The following PIAS4 variants were observed in gnomAD, a reference collection of about 807,000 sequenced individuals.
PIAS4 encodes the protein protein inhibitor of activated STAT 4.
Under a neutral mutation model 58.0 loss-of-function variants are expected in PIAS4, and 7 were observed. The ratio of observed to expected loss-of-function variants is 0.12; its 90% CI spans 0.07 to 0.23. PIAS4 has a LOEUF of 0.23. PIAS4 is among the 10% of genes least tolerant of loss of function. The pLI, the probability that PIAS4 is intolerant of heterozygous loss-of-function variation, is 1.00. For synonymous variants in PIAS4, 364 were observed against 312.4 expected (o/e 1.17, Z -1.74); for missense variants, 550 against 709.5 (o/e 0.78, Z 2.55).
intron 1 of PIAS4, 119 bp from the exon 2 acceptor site, chr19:4,012,804 G>T: frequency 1.7e-6 from 2 of 1,151,580 alleles, no homozygotes; most frequent in South Asian, 3.0e-5. Flanking sequence ...CCCAGCCAAG[G>T]CTGGCGCTTC....
At chr19:4,027,947 C>G (rs2040183464) in intron 3 of PIAS4, among the ~76,000 whole-genome samples, 199 bp from the exon 4 acceptor site, 1 of 152,078 alleles carries the variant, frequency 6.6e-6, no homozygotes, top group Non-Finnish European at 1.5e-5. Context: ...TTGCATTTTC[C>G]AGGGAGGCCA....
intron 9 of PIAS4, among the ~76,000 whole-genome samples, chr19:4,036,292 A>ACG (rs1335552892): frequency 1.6e-5 from 2 of 123,270 alleles, no homozygotes; most frequent in Non-Finnish European, 3.7e-5. Context: ...ACCGTCACAC[A>ACG]CACACACATC....
At position 4,036,656 on chromosome 19, in the gene PIAS4, ACAC is replaced by A. The variant is rs1481150560; in HGVS notation, c.1143-717_1143-715del. On this transcript the variant is annotated intron_variant, in intron 9 of 10. Coordinates refer to ENST00000262971, the MANE Select transcript of PIAS4 (RefSeq NM_015897.4). Reference sequence around the variant, plus strand: ...CTATACAGTCCACACTGTCATACACACACATCTATACAGTCCACACCGTCACAC... The same window carrying A: ...CTATACAGTCCACACTGTCATACACAATCTATACAGTCCACACCGTCACAC... Among the ~76,000 whole-genome samples, 4 of 149,508 alleles carry A rather than the reference ACAC, an allele frequency of 2.7e-5. No homozygotes were observed. The East Asian group carries it at 7.7e-4, about 29-fold the overall frequency.
chr19:4,015,336 C>A (rs150551492), intron 2 of PIAS4, among the ~76,000 whole-genome samples: 6 of 152,060 alleles, frequency 3.9e-5, no homozygotes, highest in Non-Finnish European at 8.8e-5. Context: ...CCAGTAGCTC[C>A]GTCCCACAAT....
At position 4,013,791 on chromosome 19, in the gene PIAS4, G is replaced by A. The variant is rs1431601110; in HGVS notation, c.454+442G>A. Among the ~76,000 whole-genome samples, 1 of 152,172 alleles carries A rather than the reference G, an allele frequency of 6.6e-6. No individual in the cohort carries two copies. Among genetic ancestry groups the A allele is most frequent in the Non-Finnish European group, 1.5e-5 (1 of 68,020 alleles). On this transcript the variant is annotated intron_variant, in intron 2 of 10. Coordinates refer to ENST00000262971, the MANE Select transcript of PIAS4 (RefSeq NM_015897.4). This position sits in a 1 kb window ranked among gnomAD's most constrained non-coding sequence, Gnocchi z 5.1. ...GTCCTCATGGTGCGGACTCCTGCACGGATTGCCTGGGCGTCCTCAGCCTGG... is the reference window on the plus strand; with the variant it reads ...GTCCTCATGGTGCGGACTCCTGCACAGATTGCCTGGGCGTCCTCAGCCTGG...
chr19:4,034,681 G>C (rs1309965764), intron 9 of PIAS4, among the ~76,000 whole-genome samples: 2 of 152,252 alleles, frequency 1.3e-5, no homozygotes, highest in Non-Finnish European at 2.9e-5. Context: ...TCCCCCACAG[G>C]CCCGGAGTGG....
chr19:4,028,917 C>T lies in PIAS4; in HGVS notation c.802-14C>T, dbSNP rs753561196. 34 of 1,606,728 alleles carry T rather than the reference C, an allele frequency of 2.1e-5. No homozygotes were observed. In the South Asian group the frequency reaches 3.6e-4, roughly 17 times the overall value. ...CCCGTCCTGCCAGCCCTGACCCCTT[C>T]CTTCTGTCCCCAGAGCTACTCGGTG... On this transcript the variant is annotated splice_polypyrimidine_tract_variant and intron_variant, in intron 6 of 10. Transcript: ENST00000262971.
chr19:4,032,168 G>T (rs2144936774), intron 7 of PIAS4, among the ~76,000 whole-genome samples: 1 of 152,270 alleles, frequency 6.6e-6, no homozygotes, highest in South Asian at 2.1e-4. Context: ...GGGTGGTAGG[G>T]GCATTTCCAG....
Position 4,028,736 on chromosome 19 carries a change from A to G in PIAS4, c.689A>G (p.Asn230Ser), listed in dbSNP as rs770378756. The change falls in exon 6 of 11, where the codon AAT (asparagine) becomes AGT (serine). Residue 230 changes from asparagine to serine, a missense_variant. This residue lies in a region of PIAS4 where 225 missense variants were observed against 345.8 expected (regional missense o/e 0.65). Coordinates refer to ENST00000262971, the MANE Select transcript of PIAS4 (RefSeq NM_015897.4). ...TGCTTGCAGGGCTACTACCCCTCCA[A>G]TAAGCCCGGGGTGGAGCCCAAGAGG... ...YCSVPGYYPS[N>S]KPGVEPKRPC... The G allele has an allele frequency of 3.5e-5, 56 of 1,611,326 alleles. No individual in the cohort carries two copies. The highest frequency in any genetic ancestry group is 1.6e-4 in the Middle Eastern group (1 of 6,076).
At chr19:4,023,996 C>T (rs763347918) in intron 2 of PIAS4, 40 bp from the exon 3 acceptor site, 31 of 1,418,914 alleles carry the variant, frequency 2.2e-5, no homozygotes, top group South Asian at 5.7e-5. Context: ...GGGGACCTGC[C>T]AGGGACCAGA....
In PIAS4 at chr19:4,037,964, TTTC is replaced by T; in HGVS notation, c.*92_*94del. On this transcript the variant is annotated 3_prime_UTR_variant, in exon 11 of 11. Transcript: ENST00000262971. The surrounding 1 kb of genome is among the most constrained non-coding windows in gnomAD (Gnocchi z 5.8). ...CGCAGAGGGAGGAGTGACCTTTCTT[TTTC>T]TTTTTATTGTCGTTCGTTTTGTTTT... is the stretch of plus-strand genomic sequence containing the variant. 2 of 1,365,530 alleles carry T rather than the reference TTTC, an allele frequency of 1.5e-6. No individual in the cohort carries two copies. Among genetic ancestry groups the T allele is most frequent in the Non-Finnish European group, 2.0e-6 (2 of 1,018,284 alleles). 84.6% of individuals were successfully genotyped at this position (1,365,530 alleles called of 1,614,324 possible). A position where few individuals can be genotyped will look rare whatever the true frequency, so the allele number is the denominator to read the frequency against.
At chr19:4,034,397 C>A (rs192591410) in intron 9 of PIAS4, among the ~76,000 whole-genome samples, 4 of 152,318 alleles carry the variant, frequency 2.6e-5, no homozygotes, top group African/African-American at 9.6e-5. Flanking sequence ...GCACTTGTCC[C>A]CATCCCAGGA....
At chr19:4,009,573 C>T (rs917498664) in intron 1 of PIAS4, among the ~76,000 whole-genome samples, 2 of 151,780 alleles carry the variant, frequency 1.3e-5, no homozygotes, top group African/African-American at 2.4e-5. Context: ...GGCCCCCCCC[C>T]ACCCCAATTA....
Position 4,013,469 on chromosome 19 carries a change from A to C in PIAS4, c.454+120A>C. On this transcript the variant is annotated intron_variant, in intron 2 of 10. Coordinates refer to ENST00000262971, the MANE Select transcript of PIAS4 (RefSeq NM_015897.4). The surrounding 1 kb of genome is among the most constrained non-coding windows in gnomAD (Gnocchi z 5.1). ...TCTCTGTGGCGCAGCCAGGGCGGGG[A>C]GCCACAGTGGCCAGGGGTGTCCTTC... 2 of 872,746 alleles carry C rather than the reference A, an allele frequency of 2.3e-6. No individual in the cohort carries two copies. The highest frequency in any genetic ancestry group is 1.7e-5 in the African/African-American group (1 of 59,304). 54.1% of individuals were successfully genotyped at this position (872,746 alleles called of 1,614,324 possible).
chr19:4,024,102 A>C lies in PIAS4; in HGVS notation c.521A>C (p.Glu174Ala). The C allele has an allele frequency of 6.2e-7, 1 of 1,613,626 alleles. No homozygotes were observed. The change falls in exon 3 of 11, where the codon GAG becomes GCG. Residue 174 changes from glutamate (E) to alanine (A), a missense_variant. Coordinates refer to ENST00000262971, the MANE Select transcript of PIAS4 (RefSeq NM_015897.4). ...TTCGCATTGACGCCAAGACAGGTGG[A>C]GTTGATCCGGAACTCCAGGTGTGCG... is the stretch of plus-strand genomic sequence containing the variant. Reference protein sequence around the residue: ...CIFALTPRQVELIRNSRELQP... With the variant: ...CIFALTPRQVALIRNSRELQP...
chr19:4,011,610 A>G (rs2144904361), intron 1 of PIAS4, among the ~76,000 whole-genome samples: 1 of 151,908 alleles, frequency 6.6e-6, no homozygotes, highest in East Asian at 1.9e-4. Context: ...CCGGTCCCCC[A>G]GGGACTCAGG....
In PIAS4 at chr19:4,027,810, A is replaced by C. The variant is rs1332226388; in HGVS notation, c.540-336A>C. On this transcript the variant is annotated intron_variant, in intron 3 of 10. Transcript: ENST00000262971. ...AGAGCTCCGCCAGCCTTGACCTCCC[A>C]AACTGGGTGTTTTCTTGCCATTGTG... Among the ~76,000 whole-genome samples the C allele has an allele frequency of 2.6e-5, 4 of 151,978 alleles. No homozygotes were observed. The East Asian group carries it at 7.7e-4, about 29-fold the overall frequency.
chr19:4,008,280 G>C (rs973827185), intron 1 of PIAS4, among the ~76,000 whole-genome samples: 2 of 152,124 alleles, frequency 1.3e-5, no homozygotes, highest in African/African-American at 4.8e-5. Context: ...GCCAGGCTGG[G>C]GTTTGCGAGT....
At chr19:4,011,069 G>A (rs1439199712) in intron 1 of PIAS4, among the ~76,000 whole-genome samples, 1 of 152,204 alleles carries the variant, frequency 6.6e-6, no homozygotes, top group East Asian at 1.9e-4. Flanking sequence ...TCTCACCCTG[G>A]GGCAGCCAGG....
Sources: allele counts gnomAD v4.1 joint callset (sites outside exome capture counted in the v4.1 genomes callset), GRCh38; gene constraint gnomAD v4.1.1; regional missense constraint gnomAD v4.1.1; non-coding constraint Gnocchi (gnomAD v3.1); transcripts MANE v1.5; gene names NCBI Gene and HGNC (gene_info 2026-07-23, HGNC 2026-07-21).